Variants in ITPR3 observed in about 807,000 individuals in gnomAD.
ITPR3 encodes the protein inositol 1,4,5-trisphosphate-gated calcium channel ITPR3.
A neutral mutation model predicts 293.2 loss-of-function variants in ITPR3; 173 were observed. The ratio of observed to expected loss-of-function variants is 0.59; its 90% CI spans 0.52 to 0.67. The LOEUF is 0.67. Ranked by LOEUF, ITPR3 falls within the 30% of genes least tolerant of loss-of-function variation. The pLI, the probability that ITPR3 is intolerant of heterozygous loss-of-function variation, is 0.00. For synonymous variants in ITPR3, 1,295 were observed against 1,444.4 expected (o/e 0.90, Z 2.35); for missense variants, 2,796 against 3,592.1 (o/e 0.78, Z 5.66).
chr6:33,663,601 A>G, intron 10 of ITPR3, 51 bp downstream of exon 10: 1 of 1,597,876 alleles, frequency 6.3e-7, no homozygotes, highest in Non-Finnish European at 8.5e-7. Flanking sequence ...CCCTGGGGGT[A>G]GGCGGGGGCA....
In ITPR3 at chr6:33,696,080, A is replaced by G. The variant is rs1765536667; in HGVS notation, c.*300A>G. The stretch of plus-strand genomic sequence containing the variant: ...CCTTTGTTCCTTAAAGCAATAACTG[A>G]CAACTCTTTGTAGTCCTCCTTGTGG... On this transcript the variant is annotated 3_prime_UTR_variant, in exon 58 of 58. Coordinates refer to ENST00000605930, the MANE Select transcript of ITPR3 (RefSeq NM_002224.4). 7 of 389,050 alleles carry G rather than the reference A, an allele frequency of 1.8e-5. No individual in the cohort carries two copies. In the South Asian group the frequency reaches 3.0e-4, roughly 17 times the overall value. 24.1% of individuals were successfully genotyped at this position (389,050 alleles called of 1,614,324 possible).
At chr6:33,657,737 TGCACTCAGAGTGCA>T (rs1382969337) in intron 3 of ITPR3, among the ~76,000 whole-genome samples, 181 bp from the exon 4 acceptor site, 15 of 151,804 alleles carry the variant, frequency 9.9e-5, no homozygotes, top group African/African-American at 3.6e-4. Context: ...GGCTGCCTTC[TGCACTCAGAGTGCA>T]GCACTCTGGG....
In ITPR3 at chr6:33,670,573, AG is replaced by A; in HGVS notation, c.2440del (p.Asp814ThrfsTer31). ...GAGATCCCCACAGCCATCACCATCAAGGAGTGAGAGGGGTGGAGGCAGGGTG... is the reference window on the plus strand; with the variant it reads ...GAGATCCCCACAGCCATCACCATCAAGAGTGAGAGGGGTGGAGGCAGGGTG... ...WTEIPTAITI[K>X]DYDSNLNASR... On this transcript the variant is annotated frameshift_variant and splice_region_variant, in exon 19 of 58. Transcript: ENST00000605930. LOFTEE classifies it high-confidence loss of function. This position sits in a 1 kb window ranked among gnomAD's most constrained non-coding sequence, Gnocchi z 6.7. 4 of 1,391,778 alleles carry A rather than the reference AG, an allele frequency of 2.9e-6. No individual in the cohort carries two copies. The highest frequency in any genetic ancestry group is 3.9e-6 in the Non-Finnish European group (4 of 1,036,152). The allele number at this position is 1,391,778 out of a possible 1,614,324, so 86.2% of individuals were successfully genotyped here.
At position 33,683,305 on chromosome 6, in the gene ITPR3, G is replaced by A. The variant is rs1049190814; in HGVS notation, c.4696G>A (p.Ala1566Thr). The A allele has an allele frequency of 6.3e-6, 10 of 1,585,382 alleles. No homozygotes were observed. The highest frequency in any genetic ancestry group is 2.7e-5 in the African/African-American group (2 of 74,564). Residue 1566 changes from alanine to threonine, a missense_variant, in exon 35 of 58, where the codon GCC becomes ACC. Physicochemically the swap from Ala to Thr is moderately conservative, Grantham distance 58. Coordinates refer to ENST00000605930, the MANE Select transcript of ITPR3 (RefSeq NM_002224.4). The surrounding 1 kb of genome is among the most constrained non-coding windows in gnomAD (Gnocchi z 4.5). ...CTGTGCAGCTGCCGCCCAGCGGAAC[G>A]CCTCCAGCTACAAGGCAACCACGCG... ...ASCAAAAQRN[A>T]SSYKATTRAF...
chr6:33,629,628 C>T (rs1014848570), intron 1 of ITPR3, among the ~76,000 whole-genome samples: 1 of 152,024 alleles, frequency 6.6e-6, no homozygotes, highest in African/African-American at 2.4e-5. Context: ...TTACCAGTGC[C>T]AGCCACCACG....
At chr6:33,636,912 C>T (rs768609601) in intron 1 of ITPR3, among the ~76,000 whole-genome samples, 2 of 152,088 alleles carry the variant, frequency 1.3e-5, no homozygotes, top group Non-Finnish European at 2.9e-5. Flanking sequence ...GACAGAGGAC[C>T]CTCTGCCGTC....
rs373174379 is a variant in ITPR3, at chr6:33,684,936, A to T, written c.5300A>T (p.Glu1767Val). ...CACCTGCTGGATGGTGGCAACACAG[A>T]GATCCAGGTGTGGGGGGCCTGGGGC... ...AIHLLDGGNT[E>V]IQKSFHNLMM... is the part of the protein sequence containing the mutation. The change falls in exon 39 of 58, where the codon GAG becomes GTG. Residue 1767 changes from glutamate to valine, a missense_variant. Physicochemically the swap from Glu to Val is moderately radical, Grantham distance 121 (BLOSUM62 -2). Transcript: ENST00000605930. This position sits in a 1 kb window ranked among gnomAD's most constrained non-coding sequence, Gnocchi z 4.2. 1.7e-5 allele frequency: 28 copies of T among 1,610,040 alleles called. No individual in the cohort carries two copies. The highest frequency in any genetic ancestry group is 2.3e-5 in the Non-Finnish European group (27 of 1,177,602).
chr6:33,640,806 C>T (rs941212476), intron 2 of ITPR3, among the ~76,000 whole-genome samples: 5 of 152,256 alleles, frequency 3.3e-5, no homozygotes, highest in Non-Finnish European at 7.3e-5. Flanking sequence ...GGCCAGGGGC[C>T]CATTCTCCCC....
intron 1 of ITPR3, among the ~76,000 whole-genome samples, chr6:33,634,542 GT>G (rs2151283996): frequency 6.6e-6 from 1 of 152,248 alleles, no homozygotes; most frequent in Non-Finnish European, 1.5e-5. Context: ...CATCTGGGAT[GT>G]TTTCCTTCCC....
intron 13 of ITPR3, among the ~76,000 whole-genome samples, chr6:33,665,604 T>G (rs1306727945): frequency 1.3e-5 from 2 of 151,904 alleles, no homozygotes; most frequent in Non-Finnish European, 2.9e-5. Context: ...TATTCTGAGA[T>G]TCTGTGTCTT....
At chr6:33,678,875 G>T in intron 30 of ITPR3, 36 bp downstream of exon 30, 1 of 1,587,552 alleles carries the variant, frequency 6.3e-7, no homozygotes, top group Non-Finnish European at 8.6e-7. Context: ...AGGCATCTTG[G>T]GGTGGGGGAC....
At chr6:33,681,450 G>A (rs1299745394) in intron 33 of ITPR3, among the ~76,000 whole-genome samples, 1 of 152,148 alleles carries the variant, frequency 6.6e-6, no homozygotes, top group Non-Finnish European at 1.5e-5. Context: ...AAGCAGAAGG[G>A]CTCCAGGCCA....
rs1295344486 is a variant in ITPR3 at position 33,670,998 on chromosome 6, A to G, written c.2587-167A>G. On this transcript the variant is annotated intron_variant, in intron 20 of 57. Transcript: ENST00000605930. The surrounding 1 kb of genome is among the most constrained non-coding windows in gnomAD (Gnocchi z 6.7). Reference sequence around the variant, plus strand: ...CTCCAAGAGGCAGGCTCCTGTTCCAATGCCTGGGAAAGGGCTGCCTCTCCC... The same window carrying G: ...CTCCAAGAGGCAGGCTCCTGTTCCAGTGCCTGGGAAAGGGCTGCCTCTCCC... 12 of 807,382 alleles carry G rather than the reference A, an allele frequency of 1.5e-5. No homozygotes were observed. The highest frequency in any genetic ancestry group is 1.8e-5 in the Non-Finnish European group (12 of 667,538). The allele number at this position is 807,382 out of a possible 1,614,324, so 50.0% of individuals were successfully genotyped here. A position where few individuals can be genotyped will look rare whatever the true frequency, so the allele number is the denominator to read the frequency against.
rs1383310959 is a variant in ITPR3 at position 33,654,382 on chromosome 6, G to A, written c.161-1384G>A. 6.6e-6 allele frequency among the ~76,000 whole-genome samples: 1 copy of A among 152,184 alleles called. No individual in the cohort carries two copies. Among genetic ancestry groups the A allele is most frequent in the Admixed American group, 6.5e-5 (1 of 15,284 alleles). On this transcript the variant is annotated intron_variant, in intron 2 of 57. Transcript: ENST00000605930. This position sits in a 1 kb window ranked among gnomAD's most constrained non-coding sequence, Gnocchi z 4.1. ...GGCAATGCTGAGGGGCCTAGGTGGGGCAGCCCTTGGTGGCTCCATCTGCTT... is the reference window on the plus strand; with the variant it reads ...GGCAATGCTGAGGGGCCTAGGTGGGACAGCCCTTGGTGGCTCCATCTGCTT...
At chr6:33,631,700 T>G (rs1167301461) in intron 1 of ITPR3, among the ~76,000 whole-genome samples, 1 of 152,128 alleles carries the variant, frequency 6.6e-6, no homozygotes, top group Non-Finnish European at 1.5e-5. Flanking sequence ...AAGAAGCTGG[T>G]GGAGCAGAGT....
Position 33,666,602 on chromosome 6 carries a change from T to TTTG in ITPR3, c.1552-524_1552-522dup, listed in dbSNP as rs2127276206. Among the ~76,000 whole-genome samples the TTTG allele has an allele frequency of 7.8e-6, 1 of 128,788 alleles. No individual in the cohort carries two copies. Among genetic ancestry groups the TTTG allele is most frequent in the East Asian group, 3.1e-4 (1 of 3,206 alleles). 84.5% of individuals were successfully genotyped at this position (128,788 alleles called of 152,430 possible). A position where few individuals can be genotyped will look rare whatever the true frequency, so the allele number is the denominator to read the frequency against. On this transcript the variant is annotated intron_variant, in intron 14 of 57. Transcript: ENST00000605930. This position sits in a 1 kb window ranked among gnomAD's most constrained non-coding sequence, Gnocchi z 5.1. ...ATGTTCCCAGAATGTCTTTGTAAAG[T>TTTG]TTGTTTTTTTTTTTTTAGAAACGAG... is the stretch of plus-strand genomic sequence containing the variant.
At chr6:33,662,355 C>A (rs1764494430) in intron 7 of ITPR3, among the ~76,000 whole-genome samples, 173 bp from the exon 8 acceptor site, 1 of 151,498 alleles carries the variant, frequency 6.6e-6, no homozygotes, top group Admixed American at 6.6e-5. Context: ...AGTGCCTGGG[C>A]TTTGGCTGTT....
chr6:33,667,971 C>T lies in ITPR3; in HGVS notation c.1886+7C>T. ...GCAAGAACCGGGAGCCCAGGTGGGC[C>T]CGAACCCCCTCCCCGGCCGGCGCCT... On this transcript the variant is annotated splice_region_variant and intron_variant, in intron 16 of 57. Transcript: ENST00000605930. The surrounding 1 kb of genome is among the most constrained non-coding windows in gnomAD (Gnocchi z 4.4). The T allele has an allele frequency of 1.2e-6, 2 of 1,613,786 alleles. No homozygotes were observed. The highest frequency in any genetic ancestry group is 1.7e-6 in the Non-Finnish European group (2 of 1,179,838).
At position 33,668,603 on chromosome 6, in the gene ITPR3, C is replaced by G; in HGVS notation, c.1975C>G (p.Pro659Ala). The change falls in exon 17 of 58, where the codon CCC becomes GCC. Residue 659 changes from proline (P) to alanine (A), a missense_variant. Physicochemically the swap from Pro to Ala is conservative, Grantham distance 27. Coordinates refer to ENST00000605930, the MANE Select transcript of ITPR3 (RefSeq NM_002224.4). ...QELICKCVLD[P>A]KNSDILIRTE... ...GCTCATCTGCAAGTGTGTGCTGGAC[C>G]CCAAGAACAGTGACATTCTCATCCG... The G allele has an allele frequency of 6.2e-7, 1 of 1,614,214 alleles. No individual in the cohort carries two copies. Among genetic ancestry groups the G allele is most frequent in the Non-Finnish European group, 8.5e-7 (1 of 1,180,034 alleles).
Sources: gnomAD v4.1 joint callset for allele counts (sites outside exome capture counted in the v4.1 genomes callset) on GRCh38, gnomAD v4.1.1 for gene constraint, Gnocchi (gnomAD v3.1) non-coding constraint, MANE v1.5 for transcripts, NCBI Gene and HGNC (gene_info 2026-07-23, HGNC 2026-07-21) for gene names.